Variants in EDARADD observed in about 807,000 individuals in gnomAD.
EDARADD encodes the protein EDAR associated via death domain, also known as ectodysplasin-A receptor-associated adapter protein.
EDARADD carries 20 observed loss-of-function variants against 25.6 expected under a neutral mutation model. The ratio of observed to expected loss-of-function variants is 0.78; its 90% CI spans 0.55 to 1.14. The LOEUF (loss-of-function observed/expected upper bound fraction) is 1.14, where lower values mean the gene tolerates loss of function less well. Ranked by LOEUF, EDARADD falls within the 50% of genes most tolerant of loss-of-function variation. The pLI is 0.00. For synonymous variants in EDARADD, 86 were observed against 94.4 expected (o/e 0.91, Z 0.52); for missense variants, 225 against 270.1 (o/e 0.83, Z 1.17).
Position 236,395,746 on chromosome 1 carries a change from A to G in EDARADD, c.61+1241A>G. On this transcript the variant is annotated intron_variant, in intron 1 of 5. Transcript: ENST00000334232. This position sits in a 1 kb window ranked among gnomAD's most constrained non-coding sequence, Gnocchi z 6.9. ...AGGCGCTCGCAGCAGCCGCAGGGCT[A>G]TCGAGGCCGGGCCTCGGCGACCCCC... 1 of 1,492,466 alleles carries G rather than the reference A, an allele frequency of 6.7e-7. No homozygotes were observed. Among genetic ancestry groups the G allele is most frequent in the African/African-American group, 1.5e-5 (1 of 68,928 alleles). The allele number at this position is 1,492,466 out of a possible 1,614,324, so 92.5% of individuals were successfully genotyped here. A position where few individuals can be genotyped will look rare whatever the true frequency, so the allele number is the denominator to read the frequency against.
chr1:236,484,429 A>C lies in EDARADD; in HGVS notation c.*1780A>C. The C allele has an allele frequency of 6.2e-7, 1 of 1,610,524 alleles. No homozygotes were observed. The highest frequency in any genetic ancestry group is 8.5e-7 in the Non-Finnish European group (1 of 1,178,124). On this transcript the variant is annotated 3_prime_UTR_variant, in exon 6 of 6. Transcript: ENST00000334232. The surrounding 1 kb of genome is among the most constrained non-coding windows in gnomAD (Gnocchi z 4.1). Reference sequence around the variant, plus strand: ...GAAGAGGAGCTGGGCAGCAAGGCTAAGTTTGCCGGCAGGAACTTCAGAAAC... The same window carrying C: ...GAAGAGGAGCTGGGCAGCAAGGCTACGTTTGCCGGCAGGAACTTCAGAAAC...
chr1:236,424,217 G>C (rs1040920808), intron 3 of EDARADD, among the ~76,000 whole-genome samples: 1 of 145,420 alleles, frequency 6.9e-6, no homozygotes, highest in Non-Finnish European at 1.5e-5. Flanking sequence ...GCTGGGGTGC[G>C]GTGGTGTGAT....
Position 236,468,253 on chromosome 1 carries a change from A to G in EDARADD, c.242A>G (p.Asp81Gly), listed in dbSNP as rs763211638. Reference protein sequence around the residue: ...KNQGEENGFPDSTGDPLPEIS... With the variant: ...KNQGEENGFPGSTGDPLPEIS... Reference sequence around the variant, plus strand: ...TAGGGAGAAGAAAATGGCTTTCCAGATAGCACTGGAGATCCTCTTCCAGGT... The same window carrying G: ...TAGGGAGAAGAAAATGGCTTTCCAGGTAGCACTGGAGATCCTCTTCCAGGT... Residue 81 changes from aspartate (D) to glycine (G), a missense_variant, in exon 5 of 6, where the codon GAT (aspartate) becomes GGT (glycine). Transcript: ENST00000334232. 3.7e-6 allele frequency: 6 copies of G among 1,614,150 alleles called. No homozygotes were observed. The highest frequency in any genetic ancestry group is 5.1e-6 in the Non-Finnish European group (6 of 1,179,996).
chr1:236,455,113 A>T (rs566541349), intron 4 of EDARADD, among the ~76,000 whole-genome samples: 1 of 152,078 alleles, frequency 6.6e-6, no homozygotes, highest in African/African-American at 2.4e-5. Flanking sequence ...GGGAGGCTGA[A>T]GCAGAAGAAT....
intron 3 of EDARADD, among the ~76,000 whole-genome samples, chr1:236,378,103 C>T (rs1037624137): frequency 1.3e-5 from 2 of 152,102 alleles, no homozygotes; most frequent in Non-Finnish European, 2.9e-5. Context: ...CTCAGTCCCA[C>T]CCACCCCCCT....
At chr1:236,482,135 A>G in intron 5 of EDARADD, 132 bp from the exon 6 acceptor site, 1 of 1,106,322 alleles carries the variant, frequency 9.0e-7, no homozygotes, top group Non-Finnish European at 1.3e-6. Context: ...AAAAAAAGAA[A>G]GAAACGAGCA....
chr1:236,369,565 G>C (rs1451093668), intron 3 of EDARADD, among the ~76,000 whole-genome samples: 1 of 152,090 alleles, frequency 6.6e-6, no homozygotes, highest in Non-Finnish European at 1.5e-5. Flanking sequence ...ACATCGGCCA[G>C]GTGCGGTGGC....
chr1:236,465,305 C>T (rs550085658), intron 4 of EDARADD, among the ~76,000 whole-genome samples: 1 of 152,340 alleles, frequency 6.6e-6, no homozygotes, highest in African/African-American at 2.4e-5. Context: ...CAGTGACTCC[C>T]TGTTGTCCGG....
At chr1:236,441,915 GA>G (rs1658413177) in intron 4 of EDARADD, among the ~76,000 whole-genome samples, 1 of 152,162 alleles carries the variant, frequency 6.6e-6, no homozygotes, top group Non-Finnish European at 1.5e-5. Context: ...GTTGGTTCAT[GA>G]GCTTAAGGAA....
upstream of EDARADD, among the ~76,000 whole-genome samples, chr1:236,391,848 T>TA (rs534128983): frequency 1.6e-3 from 247 of 152,338 alleles, no homozygotes; most frequent in African/African-American, 5.8e-3. Flanking sequence ...TTTCCACACT[T>TA]ACGGCTGCAG....
chr1:236,353,816 T>C (rs1343290823), intron 3 of EDARADD, among the ~76,000 whole-genome samples: 1 of 152,182 alleles, frequency 6.6e-6, no homozygotes, highest in Non-Finnish European at 1.5e-5. Context: ...TTCTACCTTT[T>C]ACCCAGAACA....
At chr1:236,432,379 A>G (rs1191327723) in intron 4 of EDARADD, among the ~76,000 whole-genome samples, 1 of 142,158 alleles carries the variant, frequency 7.0e-6, no homozygotes. Context: ...ATAGAGCCAG[A>G]CCCTGCCACC....
In EDARADD at chr1:236,438,913, T is replaced by C. The variant is rs148061567; in HGVS notation, c.219+11463T>C. On this transcript the variant is annotated intron_variant, in intron 4 of 5. Coordinates refer to ENST00000334232, the MANE Select transcript of EDARADD (RefSeq NM_145861.4). ...CCTTGGTGTTGTACATTCTATAGGT[T>C]TGGACAAACGTCTGATGACATGTAT... is the stretch of plus-strand genomic sequence containing the variant. Among the ~76,000 whole-genome samples, 718 of 152,328 alleles carry C rather than the reference T, an allele frequency of 4.7e-3. 3 individuals are homozygous for C. The highest frequency in any genetic ancestry group is 0.016 in the African/African-American group (652 of 41,562).
intron 5 of EDARADD, among the ~76,000 whole-genome samples, chr1:236,468,808 C>T (rs556328924): frequency 7.2e-5 from 11 of 152,232 alleles, no homozygotes; most frequent in South Asian, 4.1e-4. Context: ...GTGAGGGGCA[C>T]GGCAGGGTTC....
intron 3 of EDARADD, among the ~76,000 whole-genome samples, chr1:236,379,324 C>G (rs1300458409): frequency 6.6e-6 from 1 of 151,884 alleles, no homozygotes; most frequent in East Asian, 1.9e-4. Context: ...GAGCCCAGAT[C>G]ATGCCACTGC....
intron 3 of EDARADD, among the ~76,000 whole-genome samples, chr1:236,377,823 A>T (rs565993043): frequency 2.6e-5 from 4 of 151,842 alleles, no homozygotes; most frequent in Non-Finnish European, 4.4e-5. Context: ...GTGCCACTGC[A>T]CTCCAGCCTC....
At chr1:236,460,883 C>A (rs934603272) in intron 4 of EDARADD, among the ~76,000 whole-genome samples, 2 of 151,920 alleles carry the variant, frequency 1.3e-5, no homozygotes, top group Non-Finnish European at 2.9e-5. Flanking sequence ...AGTCCACTGG[C>A]GCGATCTTGG....
chr1:236,445,615 C>T (rs551062627), intron 4 of EDARADD, among the ~76,000 whole-genome samples: 8 of 152,304 alleles, frequency 5.3e-5, no homozygotes, highest in African/African-American at 1.7e-4. Flanking sequence ...ATCTTTGCCA[C>T]TGGCCAGTGT....
intron 2 of EDARADD, among the ~76,000 whole-genome samples, 184 bp downstream of exon 2, chr1:236,409,458 G>T (rs1412166503): frequency 6.6e-6 from 1 of 152,040 alleles, no homozygotes; most frequent in Non-Finnish European, 1.5e-5. Flanking sequence ...GTTTCTCCAG[G>T]CTAAAAATGG....
Sources: gnomAD v4.1 joint callset for allele counts (sites outside exome capture counted in the v4.1 genomes callset) on GRCh38, gnomAD v4.1.1 for gene constraint, Gnocchi (gnomAD v3.1) non-coding constraint, MANE v1.5 for transcripts, NCBI Gene and HGNC (gene_info 2026-07-23, HGNC 2026-07-21) for gene names.